Variants in CSRNP3 observed in about 807,000 individuals in gnomAD.
CSRNP3 encodes cysteine and serine rich nuclear protein 3, also known as cysteine/serine-rich nuclear protein 3.
In CSRNP3, 12 loss-of-function variants were observed where a neutral mutation model predicts 48.0. The ratio of observed to expected loss-of-function variants is 0.25; its 90% CI spans 0.16 to 0.41. CSRNP3 has a LOEUF of 0.41. Among genes scored for constraint, CSRNP3 ranks in the 10% least tolerant of loss-of-function variants. CSRNP3 has a pLI of 1.00. For missense variants in CSRNP3, 580 were observed against 724.4 expected, an observed-to-expected ratio of 0.80 and a Z score of 2.29; for synonymous variants, 263 against 269.7, an observed-to-expected ratio of 0.98 and a Z score of 0.24.
intron 3 of CSRNP3, 86 bp downstream of exon 3, chr2:165,518,047 T>C (rs924328951): frequency 6.6e-6 from 1 of 152,324 alleles, no homozygotes; most frequent in Admixed American, 6.6e-5. Flanking sequence ...TAATGTGTAA[T>C]TGGAAATGGT....
intron 1 of CSRNP3, among the ~76,000 whole-genome samples, chr2:165,493,462 A>G (rs1684246152): frequency 6.6e-6 from 1 of 152,150 alleles, no homozygotes; most frequent in Admixed American, 6.6e-5. Flanking sequence ...CAAGTTATCT[A>G]TCCAAACCAA....
rs1338518694 is a variant in CSRNP3 at position 165,574,337 on chromosome 2, A to AAACT, written c.-23-20706_-23-20705insAACT. ...AAAAAAATGTACTGGGGTTCTCTGCAGCAGTGTTTTGCAGCAGTTAAATGA... is the reference window on the plus strand; with the variant it reads ...AAAAAAATGTACTGGGGTTCTCTGCAAACTGCAGTGTTTTGCAGCAGTTAAATGA... On this transcript the variant is annotated intron_variant, in intron 3 of 6. Coordinates refer to ENST00000651982, the MANE Select transcript of CSRNP3 (RefSeq NM_001172173.2). 10 of 1,541,296 alleles carry AAACT rather than the reference A, an allele frequency of 6.5e-6. No homozygotes were observed. The African/African-American group carries it at 1.4e-4, about 21-fold the overall frequency.
chr2:165,586,247 T>C (rs1319387707), intron 3 of CSRNP3, among the ~76,000 whole-genome samples: 1 of 152,202 alleles, frequency 6.6e-6, no homozygotes, highest in Non-Finnish European at 1.5e-5. Flanking sequence ...TCACCTTTGG[T>C]AAATTCATGA....
chr2:165,495,345 A>T (rs1489709255), intron 2 of CSRNP3, among the ~76,000 whole-genome samples: 4 of 152,020 alleles, frequency 2.6e-5, no homozygotes, highest in African/African-American at 9.7e-5. Context: ...TTTTTAAAAG[A>T]TTGCTTATGT....
chr2:165,588,123 G>A (rs555967869), intron 3 of CSRNP3, among the ~76,000 whole-genome samples: 252 of 152,210 alleles, frequency 1.7e-3, no homozygotes, highest in African/African-American at 5.8e-3. Context: ...TTAGAAGGTG[G>A]TAAATGCTAT....
chr2:165,648,319 AC>A (rs1686847616), intron 4 of CSRNP3, among the ~76,000 whole-genome samples: 1 of 152,070 alleles, frequency 6.6e-6, no homozygotes, highest in African/African-American at 2.4e-5. Flanking sequence ...TTTAATCTAA[AC>A]TTTTAGTTTA....
chr2:165,628,243 A>AACATACTCTT (rs1246213065), intron 4 of CSRNP3, among the ~76,000 whole-genome samples: 4 of 151,856 alleles, frequency 2.6e-5, no homozygotes, highest in African/African-American at 9.7e-5. Context: ...CCCTACTACA[A>AACATACTCTT]ACATACTCTT....
chr2:165,595,402 G>T (rs1041891708), intron 4 of CSRNP3, among the ~76,000 whole-genome samples, 189 bp downstream of exon 4: 14 of 151,924 alleles, frequency 9.2e-5, no homozygotes, highest in African/African-American at 3.4e-4. Flanking sequence ...ATACTTTTTT[G>T]CAGTGGATTA....
At chr2:165,479,602 G>C (rs555818599) in intron 1 of CSRNP3, among the ~76,000 whole-genome samples, 9 of 152,188 alleles carry the variant, frequency 5.9e-5, no homozygotes, top group African/African-American at 2.2e-4. Context: ...TTATTAATCA[G>C]CTTATATTAC....
chr2:165,547,681 T>C (rs1042971440), intron 3 of CSRNP3, among the ~76,000 whole-genome samples: 7 of 152,084 alleles, frequency 4.6e-5, no homozygotes, highest in African/African-American at 1.7e-4. Flanking sequence ...CTAATTCCAC[T>C]AAGGAAATAA....
At chr2:165,661,716 G>A (rs1687100103) in intron 5 of CSRNP3, among the ~76,000 whole-genome samples, 1 of 152,162 alleles carries the variant, frequency 6.6e-6, no homozygotes, top group East Asian at 1.9e-4. Flanking sequence ...AGTAAGGATT[G>A]TTAAAGACAA....
intron 1 of CSRNP3, among the ~76,000 whole-genome samples, chr2:165,473,158 A>C (rs993561703): frequency 6.6e-6 from 1 of 152,134 alleles, no homozygotes; most frequent in African/African-American, 2.4e-5. Flanking sequence ...ACTACAGATA[A>C]TTTAAAAATA....
chr2:165,522,810 T>G (rs767974376), intron 3 of CSRNP3, among the ~76,000 whole-genome samples: 11 of 152,082 alleles, frequency 7.2e-5, no homozygotes, highest in Non-Finnish European at 1.0e-4. Flanking sequence ...AGCCACTCCT[T>G]TCTTCCACAG....
intron 2 of CSRNP3, among the ~76,000 whole-genome samples, chr2:165,501,405 C>T (rs1684358196): frequency 6.6e-6 from 1 of 152,096 alleles, no homozygotes; most frequent in African/African-American, 2.4e-5. Context: ...CCTACATTAA[C>T]ATTATCATTT....
rs1405547481 is a variant in CSRNP3, at chr2:165,469,724, A to C, written c.-299A>C. ...GTGTGTTCTGACGGAGCCGAAGTACAGAAACCATATTTACAGGTAAGAGCG... is the reference window on the plus strand; with the variant it reads ...GTGTGTTCTGACGGAGCCGAAGTACCGAAACCATATTTACAGGTAAGAGCG... On this transcript the variant is annotated 5_prime_UTR_variant, in exon 1 of 7. Coordinates refer to ENST00000651982, the MANE Select transcript of CSRNP3 (RefSeq NM_001172173.2). 1 of 152,606 alleles carries C rather than the reference A, an allele frequency of 6.6e-6. No homozygotes were observed. Among genetic ancestry groups the C allele is most frequent in the African/African-American group, 2.4e-5 (1 of 41,470 alleles). 9.5% of individuals were successfully genotyped at this position (152,606 alleles called of 1,614,324 possible).
chr2:165,624,350 G>C (rs954259302), intron 4 of CSRNP3, among the ~76,000 whole-genome samples: 3 of 152,188 alleles, frequency 2.0e-5, no homozygotes, highest in African/African-American at 7.2e-5. Context: ...CTTCATGCCT[G>C]CTCTATAGAA....
intron 4 of CSRNP3, among the ~76,000 whole-genome samples, chr2:165,610,978 A>G (rs901692741): frequency 6.6e-6 from 1 of 152,188 alleles, no homozygotes; most frequent in African/African-American, 2.4e-5. Flanking sequence ...TCAATAAAGC[A>G]TGAATTTTGA....
chr2:165,633,422 A>G (rs1052380981), intron 4 of CSRNP3, among the ~76,000 whole-genome samples: 21 of 152,220 alleles, frequency 1.4e-4, no homozygotes, highest in African/African-American at 1.9e-4. Flanking sequence ...AGGATTTCTT[A>G]TGAACCTGTG....
At chr2:165,577,061 G>T (rs1336630999) in intron 3 of CSRNP3, among the ~76,000 whole-genome samples, 1 of 151,022 alleles carries the variant, frequency 6.6e-6, no homozygotes, top group Non-Finnish European at 1.5e-5. Flanking sequence ...ACAAATAACT[G>T]TTGTCATCTC....
Sources: gnomAD v4.1 joint callset for allele counts (sites outside exome capture counted in the v4.1 genomes callset) on GRCh38, gnomAD v4.1.1 for gene constraint, MANE v1.5 for transcripts, NCBI Gene and HGNC (gene_info 2026-07-23, HGNC 2026-07-21) for gene names.